Variants in FCRL5 observed in about 807,000 individuals in gnomAD.
The protein encoded by FCRL5 is Fc receptor like 5, also known as Fc receptor-like protein 5.
A neutral mutation model predicts 92.1 loss-of-function variants in FCRL5; 79 were observed. The observed-to-expected ratio is 0.86, with a 90% CI of 0.72 to 1.03. The LOEUF is 1.03. FCRL5 is among the 50% of genes least tolerant of loss of function. The probability of loss-of-function intolerance (pLI) is 0.00; values close to 1 mark genes in which losing one functional copy is unlikely to be tolerated. For synonymous variants in FCRL5, 466 were observed against 469.3 expected (o/e 0.99, Z 0.09); for missense variants, 1,160 against 1,181.1 (o/e 0.98, Z 0.26).
In FCRL5 at chr1:157,534,904, A is replaced by G. The variant is rs776200726; in HGVS notation, c.1403-12T>C. The G allele has an allele frequency of 1.3e-6, 2 of 1,518,442 alleles. No homozygotes were observed. The highest frequency in any genetic ancestry group is 8.8e-7 in the Non-Finnish European group (1 of 1,136,122). 94.1% of individuals were successfully genotyped at this position (1,518,442 alleles called of 1,614,324 possible). A position where few individuals can be genotyped will look rare whatever the true frequency, so the allele number is the denominator to read the frequency against. ...ATGAGACACAGGGACTGAGGAAGAG[A>G]AAGATTGAATCAAGAGTTGCTTTTG... On this transcript the variant is annotated splice_polypyrimidine_tract_variant and intron_variant, in intron 7 of 16. Coordinates refer to ENST00000361835, the MANE Select transcript of FCRL5 (RefSeq NM_031281.3).
chr1:157,537,879 G>A (rs1651045212), intron 7 of FCRL5, among the ~76,000 whole-genome samples: 2 of 152,066 alleles, frequency 1.3e-5, no homozygotes, highest in South Asian at 4.1e-4. Context: ...ACTCAGATTG[G>A]CATGCCTTTC....
At chr1:157,536,805 G>A (rs1347060341) in intron 7 of FCRL5, among the ~76,000 whole-genome samples, 2 of 152,222 alleles carry the variant, frequency 1.3e-5, no homozygotes, top group African/African-American at 4.8e-5. Context: ...ACCAACTGAA[G>A]CCATGGCAGA....
chr1:157,546,825 A>G (rs1225157924), intron 3 of FCRL5, 118 bp downstream of exon 3: 2 of 1,266,086 alleles, frequency 1.6e-6, no homozygotes, highest in South Asian at 3.0e-5. Context: ...TTGTCTTACC[A>G]CAGTGTGAAA....
chr1:157,546,802 T>C (rs1264144727), intron 3 of FCRL5, 141 bp downstream of exon 3: 3 of 1,059,378 alleles, frequency 2.8e-6, no homozygotes, highest in Non-Finnish European at 4.0e-6. Context: ...ATTCTGAGCT[T>C]TTTACTCTCT....
chr1:157,517,327 A>G (rs577297270), intron 15 of FCRL5, among the ~76,000 whole-genome samples: 1 of 152,334 alleles, frequency 6.6e-6, no homozygotes, highest in Admixed American at 6.5e-5. Context: ...TGGTAGCTGT[A>G]ATAATGTGCC....
intron 8 of FCRL5, chr1:157,532,011 A>G (rs1226220588): frequency 6.6e-6 from 1 of 152,216 alleles, no homozygotes; most frequent in East Asian, 1.9e-4. Context: ...GCATGAGATG[A>G]TGGGTACATT....
chr1:157,518,905 A>G (rs998035314), intron 13 of FCRL5, 123 bp from the exon 14 acceptor site: 1 of 654,812 alleles, frequency 1.5e-6, no homozygotes, highest in Non-Finnish European at 2.6e-6. Context: ...GAACAAGTAC[A>G]TAACAAACTG....
At chr1:157,516,455 G>C (rs1280861775) in intron 15 of FCRL5, among the ~76,000 whole-genome samples, 4 of 152,158 alleles carry the variant, frequency 2.6e-5, no homozygotes, top group African/African-American at 9.7e-5. Flanking sequence ...GTCATGTATT[G>C]AGCAGTTTCT....
chr1:157,519,751 G>T lies in FCRL5; in HGVS notation c.2652C>A (p.Asp884Glu). Reference protein sequence around the residue: ...SRKAGRKPASDPARSPSDSDS... With the variant: ...SRKAGRKPASEPARSPSDSDS... ...TGCAGCTCAGCTCTTACCTGGCGGG[G>T]TCAGAGGCAGGCTTTCTCCCTGTAA... The change falls in exon 13 of 17, where the codon GAC becomes GAA. Residue 884 changes from aspartate to glutamate, a missense_variant. By Grantham distance (45) the Asp-to-Glu change is conservative (BLOSUM62 2). Coordinates refer to ENST00000361835, the MANE Select transcript of FCRL5 (RefSeq NM_031281.3). 3.7e-6 allele frequency: 6 copies of T among 1,614,096 alleles called. No individual in the cohort carries two copies. Among genetic ancestry groups the T allele is most frequent in the Non-Finnish European group, 5.1e-6 (6 of 1,179,996 alleles).
In FCRL5 at chr1:157,520,540, G is replaced by C. The variant is rs1468755536; in HGVS notation, c.2523C>G (p.Thr841=). The change falls in exon 12 of 17, where the codon ACC becomes ACG. Residue 841 remains threonine (T), a synonymous_variant. Coordinates refer to ENST00000361835, the MANE Select transcript of FCRL5 (RefSeq NM_031281.3). The stretch of plus-strand genomic sequence containing the variant: ...TGGCAAAAGGGCCACTTCTGTTCGC[G>C]GTCAGCCCTGAGGGGGAGACCCTGT... The part of the protein sequence containing the change: ...ETVTLYITGL[T]ANRSGPFATG... 10 of 1,584,108 alleles carry C rather than the reference G, an allele frequency of 6.3e-6. No individual in the cohort carries two copies. The highest frequency in any genetic ancestry group is 5.3e-5 in the Admixed American group (3 of 56,184).
intron 7 of FCRL5, among the ~76,000 whole-genome samples, chr1:157,538,623 G>T (rs1651091299): frequency 6.6e-6 from 1 of 152,196 alleles, no homozygotes. Flanking sequence ...GACATGTTGG[G>T]TTAACTGTGA....
chr1:157,523,389 T>G (rs1650287637), intron 10 of FCRL5, among the ~76,000 whole-genome samples: 2 of 152,236 alleles, frequency 1.3e-5, no homozygotes, highest in African/African-American at 4.8e-5. Context: ...CAAAGGATGA[T>G]CATGATTTTC....
chr1:157,516,363 G>A (rs957548321), intron 15 of FCRL5, among the ~76,000 whole-genome samples: 1 of 152,202 alleles, frequency 6.6e-6, no homozygotes, highest in Non-Finnish European at 1.5e-5. Context: ...TGCCTGTAAG[G>A]TTGTGGTGAA....
At chr1:157,544,691 T>C (rs1651445844) in intron 4 of FCRL5, 140 bp downstream of exon 4, 14 of 1,421,258 alleles carry the variant, frequency 9.9e-6, no homozygotes, top group Non-Finnish European at 1.4e-5. Flanking sequence ...AAAACACTAC[T>C]ATACTTCCTC....
At chr1:157,520,594 G>T in intron 11 of FCRL5, 47 bp from the exon 12 acceptor site, 1 of 1,439,716 alleles carries the variant, frequency 6.9e-7, no homozygotes, top group Non-Finnish European at 9.5e-7. Context: ...GCTGTGGTCT[G>T]GAACTGCCCG....
At chr1:157,535,818 C>A (rs1406467672) in intron 7 of FCRL5, among the ~76,000 whole-genome samples, 2 of 152,072 alleles carry the variant, frequency 1.3e-5, no homozygotes, top group Non-Finnish European at 2.9e-5. Context: ...AATACTGAGG[C>A]CCCGAGTGGT....
rs563679334 is a variant in FCRL5, at chr1:157,515,270, C to G, written c.*405G>C. The G allele has an allele frequency of 1.1e-5, 3 of 281,450 alleles. No homozygotes were observed. The highest frequency in any genetic ancestry group is 6.5e-5 in the African/African-American group (3 of 46,212). 17.4% of individuals were successfully genotyped at this position (281,450 alleles called of 1,614,324 possible). Reference sequence around the variant, plus strand: ...TCCACCCAAAGCAGGAACTCTGTGTCGGAGTTTAGGAGCACCTGAGCTGTT... The same window carrying G: ...TCCACCCAAAGCAGGAACTCTGTGTGGGAGTTTAGGAGCACCTGAGCTGTT... On this transcript the variant is annotated 3_prime_UTR_variant, in exon 17 of 17. Transcript: ENST00000361835.
chr1:157,539,224 C>G lies in FCRL5; in HGVS notation c.1264G>C (p.Glu422Gln), dbSNP rs773608736. 6.8e-6 allele frequency: 11 copies of G among 1,614,074 alleles called. No individual in the cohort carries two copies. The highest frequency in any genetic ancestry group is 1.3e-5 in the African/African-American group (1 of 74,922). ...CCTGCAGAGTTGGCCGACCTACGCT[C>G]CAGGGCAGCACCCTCATGATGAAAC... ...YQFHHEGAAL[E>Q]RRSANSAGGV... The change falls in exon 7 of 17, where the codon GAG becomes CAG. Residue 422 changes from glutamate to glutamine, a missense_variant. Glu to Gln is a conservative substitution (Grantham distance 29). Coordinates refer to ENST00000361835, the MANE Select transcript of FCRL5 (RefSeq NM_031281.3).
At chr1:157,517,774 A>T (rs1021530702) in intron 15 of FCRL5, among the ~76,000 whole-genome samples, 1 of 152,188 alleles carries the variant, frequency 6.6e-6, no homozygotes, top group Non-Finnish European at 1.5e-5. Context: ...AAACTAGTAC[A>T]GGTAGGTAGG....
Sources: allele counts gnomAD v4.1 joint callset (sites outside exome capture counted in the v4.1 genomes callset), GRCh38; gene constraint gnomAD v4.1.1; transcripts MANE v1.5; gene names NCBI Gene and HGNC (gene_info 2026-07-23, HGNC 2026-07-21).